The following MRTFA variants were observed in gnomAD, a reference collection of about 807,000 sequenced individuals.
MRTFA encodes myocardin related transcription factor A.
In MRTFA, 20 loss-of-function variants were observed where a neutral mutation model predicts 83.5. That is an observed-to-expected ratio of 0.24 (90% confidence interval 0.17 to 0.35). MRTFA has a LOEUF of 0.35. MRTFA is among the 10% of genes least tolerant of loss of function. MRTFA has a pLI of 1.00. For synonymous variants in MRTFA, 659 were observed against 541.2 expected (o/e 1.22, Z -3.02); for missense variants, 1,200 against 1,224.7 (o/e 0.98, Z 0.30).
chr22:40,431,550 C>G, intron 5 of MRTFA, 70 bp from the exon 6 acceptor site: 1 of 1,450,128 alleles, frequency 6.9e-7, no homozygotes, highest in Admixed American at 1.7e-5. Context: ...AGGATCACAA[C>G]AGCAGCCTTG....
At chr22:40,628,762 G>A (rs2056608485) in intron 1 of MRTFA, among the ~76,000 whole-genome samples, 1 of 152,146 alleles carries the variant, frequency 6.6e-6, no homozygotes, top group Non-Finnish European at 1.5e-5. Context: ...GAACTGGCCT[G>A]GGCTCAGCCC....
intron 4 of MRTFA, among the ~76,000 whole-genome samples, chr22:40,444,268 G>T (rs556805731): frequency 2.4e-4 from 37 of 152,180 alleles, no homozygotes; most frequent in Non-Finnish European, 4.9e-4. Flanking sequence ...AAAGAAAAGA[G>T]ACTGGAGAAG....
intron 3 of MRTFA, among the ~76,000 whole-genome samples, chr22:40,476,608 C>T (rs755651016): frequency 2.0e-5 from 3 of 152,072 alleles, no homozygotes; most frequent in Non-Finnish European, 4.4e-5. Flanking sequence ...ACCACAGGCA[C>T]GCACCACCAC....
intron 13 of MRTFA, 115 bp from the exon 14 acceptor site, chr22:40,417,161 ACCCATGGGCGTG>A (rs1186089108): frequency 2.2e-6 from 3 of 1,386,918 alleles, no homozygotes; most frequent in Non-Finnish European, 3.0e-6. Flanking sequence ...GATCCACAGG[ACCCATGGGCGTG>A]CCCGGACTCC....
At chr22:40,602,241 C>T (rs940605296) in intron 1 of MRTFA, among the ~76,000 whole-genome samples, 1 of 152,160 alleles carries the variant, frequency 6.6e-6, no homozygotes, top group Admixed American at 6.5e-5. Context: ...CAAATATTTT[C>T]CAAGTGACCA....
At chr22:40,533,592 G>A in intron 3 of MRTFA, 1 of 1,228,018 alleles carries the variant, frequency 8.1e-7, no homozygotes, top group East Asian at 3.2e-5. Context: ...TGAATTACCT[G>A]ACTGTACTGC....
At chr22:40,534,913 G>A (rs1174589952) in intron 3 of MRTFA, among the ~76,000 whole-genome samples, 1 of 152,170 alleles carries the variant, frequency 6.6e-6, no homozygotes, top group Non-Finnish European at 1.5e-5. Context: ...GAGACCTTAA[G>A]AGAGAAAATA....
At chr22:40,538,750 G>A (rs1375008822) in intron 3 of MRTFA, among the ~76,000 whole-genome samples, 1 of 152,012 alleles carries the variant, frequency 6.6e-6, no homozygotes, top group Non-Finnish European at 1.5e-5. Context: ...TATTTTTTGT[G>A]CAAATTAGTA....
chr22:40,441,267 T>C (rs1023748139), intron 4 of MRTFA, among the ~76,000 whole-genome samples: 7 of 152,172 alleles, frequency 4.6e-5, no homozygotes, highest in Admixed American at 2.0e-4. Context: ...AGAAAACAAA[T>C]GAACAGAAGT....
At chr22:40,470,231 T>TATA (rs2053877102) in intron 3 of MRTFA, among the ~76,000 whole-genome samples, 11 of 45,650 alleles carry the variant, frequency 2.4e-4, no homozygotes, top group African/African-American at 1.3e-3. Context: ...CTCCAAAATT[T>TATA]TATATATATA....
intron 2 of MRTFA, among the ~76,000 whole-genome samples, chr22:40,562,463 T>C (rs1361224816): frequency 6.8e-6 from 1 of 147,630 alleles, no homozygotes; most frequent in Non-Finnish European, 1.5e-5. Flanking sequence ...TCCAAAATCC[T>C]CACCCACAAA....
At position 40,419,536 on chromosome 22, in the gene MRTFA, A is replaced by G. The variant is rs1315429048; in HGVS notation, c.1354-152T>C. On this transcript the variant is annotated intron_variant, in intron 11 of 14. Coordinates refer to ENST00000355630, the MANE Select transcript of MRTFA (RefSeq NM_020831.6). ...CCTGGAGGGTGCAATGCCCCCCACCACCTGAGCCAACAGCATCCTCTCTTT... is the reference window on the plus strand; with the variant it reads ...CCTGGAGGGTGCAATGCCCCCCACCGCCTGAGCCAACAGCATCCTCTCTTT... 6.0e-6 allele frequency: 4 copies of G among 669,456 alleles called. No individual in the cohort carries two copies. In the Admixed American group the frequency reaches 8.6e-5, roughly 14 times the overall value. The allele number at this position is 669,456 out of a possible 1,614,324, so 41.5% of individuals were successfully genotyped here.
intron 3 of MRTFA, among the ~76,000 whole-genome samples, chr22:40,469,724 A>G (rs907754248): frequency 6.6e-6 from 1 of 152,202 alleles, no homozygotes; most frequent in Non-Finnish European, 1.5e-5. Context: ...GCAATAAAAC[A>G]AATTTCAGTA....
At chr22:40,561,904 T>C (rs1449771130) in intron 2 of MRTFA, among the ~76,000 whole-genome samples, 1 of 152,078 alleles carries the variant, frequency 6.6e-6, no homozygotes, top group Non-Finnish European at 1.5e-5. Context: ...ACTGGCAGCT[T>C]CTACTTTGGT....
At chr22:40,412,075 T>G (rs965729528) in intron 14 of MRTFA, 168 bp from the exon 15 acceptor site, 1 of 508,088 alleles carries the variant, frequency 2.0e-6, no homozygotes, top group African/African-American at 2.0e-5. Flanking sequence ...TAAAAATATT[T>G]GCAAATCACA....
intron 7 of MRTFA, among the ~76,000 whole-genome samples, chr22:40,426,139 AC>A (rs987318265): frequency 3.3e-5 from 5 of 151,470 alleles, no homozygotes; most frequent in Non-Finnish European, 7.4e-5. Flanking sequence ...GAAGACCCCA[AC>A]CCCCATCAGC....
chr22:40,529,357 C>T (rs1421688141), intron 3 of MRTFA, among the ~76,000 whole-genome samples: 1 of 152,064 alleles, frequency 6.6e-6, no homozygotes, highest in Non-Finnish European at 1.5e-5. Flanking sequence ...TGCTGTGTCG[C>T]CCTGGCTGGA....
intron 1 of MRTFA, among the ~76,000 whole-genome samples, chr22:40,609,680 C>T (rs1407122446): frequency 6.6e-6 from 1 of 151,078 alleles, no homozygotes; most frequent in Non-Finnish European, 1.5e-5. Context: ...GAAATACAAA[C>T]AATTAGCCAG....
intron 3 of MRTFA, among the ~76,000 whole-genome samples, chr22:40,487,097 T>C (rs942938823): frequency 6.6e-6 from 1 of 152,222 alleles, no homozygotes; most frequent in African/African-American, 2.4e-5. Context: ...ATCACACAGT[T>C]CACTCTGAGG....
Sources: gnomAD v4.1 joint callset for allele counts (sites outside exome capture counted in the v4.1 genomes callset) on GRCh38, gnomAD v4.1.1 for gene constraint, MANE v1.5 for transcripts, NCBI Gene and HGNC (gene_info 2026-07-23, HGNC 2026-07-21) for gene names.